Variants in STAG1 observed in about 807,000 individuals in gnomAD.
The protein encoded by STAG1 is cohesin subunit SA-1.
In STAG1, 26 loss-of-function variants were observed where a neutral mutation model predicts 170.9. The observed-to-expected ratio is 0.15, with a 90% CI of 0.11 to 0.21. The LOEUF (loss-of-function observed/expected upper bound fraction) is 0.21, where lower values mean the gene tolerates loss of function less well. STAG1 is among the 10% of genes least tolerant of loss of function. STAG1 has a pLI of 1.00. For missense variants in STAG1, 964 were observed against 1,509.5 expected (o/e 0.64, Z 5.99); for synonymous variants, 514 against 497.7 (o/e 1.03, Z -0.44).
At chr3:136,445,683 T>C (rs2088758173) in intron 14 of STAG1, among the ~76,000 whole-genome samples, 1 of 152,214 alleles carries the variant, frequency 6.6e-6, no homozygotes, top group Non-Finnish European at 1.5e-5. Context: ...AATAGGTATA[T>C]GAAGATTTAC....
intron 12 of STAG1, 57 bp from the exon 13 acceptor site, chr3:136,465,045 C>T: frequency 7.5e-7 from 1 of 1,336,108 alleles, no homozygotes; most frequent in Non-Finnish European, 1.0e-6. Flanking sequence ...TTCCTTTCTA[C>T]TTTTATTTAA....
intron 9 of STAG1, among the ~76,000 whole-genome samples, chr3:136,484,284 T>G (rs2089953370): frequency 6.6e-6 from 1 of 151,948 alleles, no homozygotes; most frequent in African/African-American, 2.4e-5. Context: ...GGTTGTTAGT[T>G]TTCCTTCTAA....
chr3:136,367,829 T>G (rs192251329), intron 24 of STAG1, among the ~76,000 whole-genome samples: 1 of 152,126 alleles, frequency 6.6e-6, no homozygotes, highest in Admixed American at 6.6e-5. Context: ...TCAAAACAAG[T>G]GTGTTTCTTC....
At chr3:136,587,164 A>C (rs1050784957) in intron 4 of STAG1, among the ~76,000 whole-genome samples, 2 of 150,670 alleles carry the variant, frequency 1.3e-5, no homozygotes, top group Admixed American at 6.6e-5. Context: ...CTTTCTAATT[A>C]TGTTAAAAAA....
intron 14 of STAG1, among the ~76,000 whole-genome samples, chr3:136,446,065 ATCTG>A (rs2088768748): frequency 6.6e-6 from 1 of 152,104 alleles, no homozygotes; most frequent in African/African-American, 2.4e-5. Context: ...TGATTACTTT[ATCTG>A]TCCTTCATTC....
chr3:136,524,842 A>G (rs1934909296), intron 6 of STAG1, among the ~76,000 whole-genome samples: 1 of 152,138 alleles, frequency 6.6e-6, no homozygotes, highest in Non-Finnish European at 1.5e-5. Context: ...TTCAGCATCT[A>G]TTGAGATAAT....
chr3:136,658,599 G>C (rs1419802686), intron 1 of STAG1, among the ~76,000 whole-genome samples: 1 of 152,024 alleles, frequency 6.6e-6, no homozygotes, highest in Non-Finnish European at 1.5e-5. Flanking sequence ...TAAGCTACAT[G>C]CCTTAGTACT....
At chr3:136,660,837 T>C (rs1307698683) in intron 1 of STAG1, among the ~76,000 whole-genome samples, 3 of 151,902 alleles carry the variant, frequency 2.0e-5, no homozygotes, top group East Asian at 3.9e-4. Flanking sequence ...GGTATAGTGG[T>C]ACACGCCTGT....
At chr3:136,399,664 C>T (rs977493760) in intron 21 of STAG1, among the ~76,000 whole-genome samples, 2 of 152,000 alleles carry the variant, frequency 1.3e-5, no homozygotes, top group African/African-American at 2.4e-5. Flanking sequence ...GATCATATTG[C>T]GATTAACATG....
intron 1 of STAG1, among the ~76,000 whole-genome samples, chr3:136,715,016 A>AAT (rs1553770623): frequency 4.3e-5 from 5 of 115,156 alleles, no homozygotes; most frequent in South Asian, 2.5e-4. Flanking sequence ...ATATATATAA[A>AAT]ATATATATAT....
intron 4 of STAG1, among the ~76,000 whole-genome samples, chr3:136,592,922 G>A (rs995106334): frequency 3.9e-5 from 6 of 152,174 alleles, no homozygotes; most frequent in South Asian, 2.1e-4. Flanking sequence ...TGCTTGTAGT[G>A]CACAACTTTG....
intron 26 of STAG1, 66 bp from the exon 27 acceptor site, chr3:136,359,362 A>C (rs1217745291): frequency 3.3e-6 from 4 of 1,207,712 alleles, no homozygotes; most frequent in Non-Finnish European, 4.5e-6. Flanking sequence ...TTTTCAGAAT[A>C]GGTAATTAAA....
intron 1 of STAG1, among the ~76,000 whole-genome samples, chr3:136,741,710 C>T (rs897923922): frequency 3.3e-4 from 50 of 152,278 alleles, no homozygotes; most frequent in African/African-American, 1.0e-3. Flanking sequence ...TCAGATGATC[C>T]GCCTGCCTCG....
chr3:136,495,098 T>C (rs1038403467), intron 9 of STAG1, among the ~76,000 whole-genome samples: 2 of 152,204 alleles, frequency 1.3e-5, no homozygotes, highest in Admixed American at 6.5e-5. Flanking sequence ...ATGCAGGTGG[T>C]ATCAGTGTAA....
intron 12 of STAG1, among the ~76,000 whole-genome samples, chr3:136,469,422 T>G (rs1406653417): frequency 6.6e-6 from 1 of 152,100 alleles, no homozygotes; most frequent in African/African-American, 2.4e-5. Flanking sequence ...GAATCCAACT[T>G]ACAAGGGATG....
intron 6 of STAG1, among the ~76,000 whole-genome samples, chr3:136,525,014 C>T (rs1182280890): frequency 2.6e-5 from 4 of 152,014 alleles, no homozygotes; most frequent in Non-Finnish European, 5.9e-5. Flanking sequence ...TTATTGAGGA[C>T]TTTTGCATCG....
chr3:136,656,539 T>G (rs891711349), intron 1 of STAG1, among the ~76,000 whole-genome samples: 1 of 151,918 alleles, frequency 6.6e-6, no homozygotes, highest in Middle Eastern at 3.4e-3. Context: ...CACTTTATGT[T>G]TGACTTCAAA....
At chr3:136,478,228 G>C (rs1023720873) in intron 9 of STAG1, among the ~76,000 whole-genome samples, 7 of 152,228 alleles carry the variant, frequency 4.6e-5, no homozygotes, top group Middle Eastern at 3.4e-3. Flanking sequence ...AGTGACAATG[G>C]TAACCATCTT....
intron 23 of STAG1, among the ~76,000 whole-genome samples, chr3:136,371,458 A>G (rs1371237283): frequency 6.6e-6 from 1 of 152,180 alleles, no homozygotes; most frequent in Admixed American, 6.5e-5. Flanking sequence ...GGTAATGCCT[A>G]GGTTTTCTTC....
Sources: allele counts gnomAD v4.1 joint callset (sites outside exome capture counted in the v4.1 genomes callset), GRCh38; gene constraint gnomAD v4.1.1; transcripts MANE v1.5; gene names NCBI Gene and HGNC (gene_info 2026-07-23, HGNC 2026-07-21).